Variants in STARD3 observed in about 807,000 individuals in gnomAD.
STARD3 encodes the protein stAR-related lipid transfer protein 3.
STARD3 carries 39 observed loss-of-function variants against 62.0 expected under a neutral mutation model. That is an observed-to-expected ratio of 0.63 (90% CI 0.49 to 0.82). The LOEUF (loss-of-function observed/expected upper bound fraction) is 0.82, where lower values mean the gene tolerates loss of function less well. STARD3 is among the 40% of genes least tolerant of loss of function. The pLI is 0.00. For synonymous variants in STARD3, 229 were observed against 242.4 expected (o/e 0.94, Z 0.51); for missense variants, 543 against 584.5 (o/e 0.93, Z 0.73).
At position 39,645,729 on chromosome 17, in the gene STARD3, C is replaced by T. The variant is rs554685330; in HGVS notation, c.-51-7752C>T. On this transcript the variant is annotated intron_variant, in intron 1 of 14. Transcript: ENST00000336308. ...TCAAGGGATCCTCCCACCTCAGCCTCCCAAAGGGCTGAGCCACTGCTCCTA... is the reference window on the plus strand; with the variant it reads ...TCAAGGGATCCTCCCACCTCAGCCTTCCAAAGGGCTGAGCCACTGCTCCTA... Among the ~76,000 whole-genome samples the T allele has an allele frequency of 8.3e-3, 1,269 of 152,006 alleles. 11 individuals carry two copies. The highest frequency in any genetic ancestry group is 0.012 in the Non-Finnish European group (838 of 67,992).
rs2057220681 is a variant in STARD3, at chr17:39,663,172, C to G, written c.*264C>G. Reference sequence around the variant, plus strand: ...CTGCCTCCTGGAGGACCAGATTGCTCTGCCCCACCTTGCCAGGGCAGGGTC... The same window carrying G: ...CTGCCTCCTGGAGGACCAGATTGCTGTGCCCCACCTTGCCAGGGCAGGGTC... On this transcript the variant is annotated 3_prime_UTR_variant, in exon 15 of 15. Coordinates refer to ENST00000336308, the MANE Select transcript of STARD3 (RefSeq NM_006804.4). 2.2e-6 allele frequency: 1 copy of G among 446,322 alleles called. No individual in the cohort carries two copies. Among genetic ancestry groups the G allele is most frequent in the Non-Finnish European group, 3.9e-6 (1 of 254,206 alleles). The allele number at this position is 446,322 out of a possible 1,614,324, so 27.6% of individuals were successfully genotyped here. A position where few individuals can be genotyped will look rare whatever the true frequency, so the allele number is the denominator to read the frequency against.
intron 6 of STARD3, 23 bp from the exon 7 acceptor site, chr17:39,658,699 C>T (rs373381137): frequency 1.1e-5 from 18 of 1,613,522 alleles, no homozygotes; most frequent in East Asian, 2.2e-5. Flanking sequence ...GTCCTCGGTC[C>T]GGGACCGAGT....
rs2057177770 is a variant in STARD3, at chr17:39,660,027, C to T, written c.796-184C>T. ...TTTTAACTCGACATCAAAAGCCTCT[C>T]TCCTGCCAGTGCCATAGGTTTGTTA... is the stretch of plus-strand genomic sequence containing the variant. On this transcript the variant is annotated intron_variant, in intron 9 of 14. Coordinates refer to ENST00000336308, the MANE Select transcript of STARD3 (RefSeq NM_006804.4). This position sits in a 1 kb window ranked among gnomAD's most constrained non-coding sequence, Gnocchi z 4.8. 1 of 614,940 alleles carries T rather than the reference C, an allele frequency of 1.6e-6. No individual in the cohort carries two copies. The highest frequency in any genetic ancestry group is 2.8e-5 in the East Asian group (1 of 36,302). 38.1% of individuals were successfully genotyped at this position (614,940 alleles called of 1,614,324 possible). A position where few individuals can be genotyped will look rare whatever the true frequency, so the allele number is the denominator to read the frequency against.
chr17:39,662,900 CG>C lies in STARD3; in HGVS notation c.1333del (p.Ala445ArgfsTer50). 6.2e-7 allele frequency: 1 copy of C among 1,611,152 alleles called. No individual in the cohort carries two copies. The highest frequency in any genetic ancestry group is 1.1e-5 in the South Asian group (1 of 90,742). The stretch of plus-strand genomic sequence containing the variant: ...ACAGCGCATCAGCGAGCTGGGGGCC[CG>C]GGCGTGACTGTGCCCCCTCCCACCC... ...LRQRISELGA[R>X]A On this transcript the variant is annotated frameshift_variant, in exon 15 of 15. Coordinates refer to ENST00000336308, the MANE Select transcript of STARD3 (RefSeq NM_006804.4). LOFTEE classifies it high-confidence loss of function.
intron 8 of STARD3, 24 bp downstream of exon 8, chr17:39,659,130 C>A: frequency 1.9e-6 from 3 of 1,614,060 alleles, no homozygotes; most frequent in Non-Finnish European, 2.5e-6. Context: ...TACCCCTAAC[C>A]CCTGCCCTTG....
intron 1 of STARD3, among the ~76,000 whole-genome samples, chr17:39,649,304 G>A (rs974179719): frequency 3.6e-4 from 55 of 152,200 alleles, no homozygotes; most frequent in African/African-American, 1.3e-3. Flanking sequence ...CTGTCTTGAA[G>A]ATGTATTTCC....
chr17:39,645,122 G>C (rs771603422), intron 1 of STARD3, among the ~76,000 whole-genome samples: 8 of 152,180 alleles, frequency 5.3e-5, no homozygotes, highest in Non-Finnish European at 1.0e-4. Context: ...AGCCGATGCT[G>C]TTCCCTGGGT....
chr17:39,662,173 G>A (rs1430619840), intron 13 of STARD3, 78 bp from the exon 14 acceptor site: 4 of 1,305,336 alleles, frequency 3.1e-6, no homozygotes, highest in Non-Finnish European at 4.3e-6. Flanking sequence ...AGAATGGAGT[G>A]TGAGTGGTAG....
Position 39,658,749 on chromosome 17 carries a change from C to T in STARD3, c.575C>T (p.Ala192Val). The change falls in exon 7 of 15, where the codon GCC (alanine) becomes GTC (valine). Residue 192 changes from alanine to valine, a missense_variant. By Grantham distance (64) the Ala-to-Val change is moderately conservative. Coordinates refer to ENST00000336308, the MANE Select transcript of STARD3 (RefSeq NM_006804.4). The part of the protein sequence containing the change: ...RWYLAAQVAV[A>V]RGPLLFSGAL... ...TATCTTGCCGCCCAGGTTGCTGTTG[C>T]CCGTGGACCCCTGCTGTTCTCCGGT... is the stretch of plus-strand genomic sequence containing the variant. 6.2e-7 allele frequency: 1 copy of T among 1,613,964 alleles called. No individual in the cohort carries two copies.
chr17:39,639,292 T>C (rs2056962627), intron 1 of STARD3, among the ~76,000 whole-genome samples: 1 of 152,086 alleles, frequency 6.6e-6, no homozygotes, highest in African/African-American at 2.4e-5. Flanking sequence ...GGGTCTGGAT[T>C]TATTGAGTGA....
chr17:39,658,681 G>A (rs375532242), intron 6 of STARD3, 41 bp from the exon 7 acceptor site: 2 of 1,612,158 alleles, frequency 1.2e-6, no homozygotes, highest in South Asian at 2.2e-5. Flanking sequence ...GGCTGCTAGG[G>A]TGTAACTGTC....
In STARD3 at chr17:39,662,521, C is replaced by G. The variant is rs908509307; in HGVS notation, c.1233+177C>G. The G allele has an allele frequency of 1.2e-4, 79 of 675,098 alleles. 4 individuals carry two copies. The highest frequency in any genetic ancestry group is 3.6e-4 in the South Asian group (19 of 52,988). The allele number at this position is 675,098 out of a possible 1,614,324, so 41.8% of individuals were successfully genotyped here. ...CAGATGGTCTCTTAGCCCTGGGTTG[C>G]TGTAGGGCATGTGCCCCCCCTTCTT... On this transcript the variant is annotated intron_variant, in intron 14 of 14. Coordinates refer to ENST00000336308, the MANE Select transcript of STARD3 (RefSeq NM_006804.4).
chr17:39,657,908 T>G (rs1448569582), intron 4 of STARD3, 56 bp downstream of exon 4: 9 of 1,613,194 alleles, frequency 5.6e-6, no homozygotes, highest in Non-Finnish European at 7.6e-6. Context: ...GTGGAAGGGA[T>G]GGGATGGAGG....
At chr17:39,659,321 G>A in intron 8 of STARD3, 140 bp from the exon 9 acceptor site, 1 of 1,006,348 alleles carries the variant, frequency 9.9e-7, no homozygotes, top group Non-Finnish European at 1.5e-6. Context: ...CAGGGCCCAG[G>A]GAGACCAGCC....
Position 39,662,286 on chromosome 17 carries a change from A to T in STARD3, c.1175A>T (p.Lys392Met). The change falls in exon 14 of 15, where the codon AAG becomes ATG. Residue 392 changes from lysine to methionine, a missense_variant. Coordinates refer to ENST00000336308, the MANE Select transcript of STARD3 (RefSeq NM_006804.4). ...ENGPGGFIVL[K>M]SASNPRVCTF... ...GGCCCTGGGGGCTTCATCGTGCTCAAGTCGGCCAGTAACCCCCGTGTTTGC... is the reference window on the plus strand; with the variant it reads ...GGCCCTGGGGGCTTCATCGTGCTCATGTCGGCCAGTAACCCCCGTGTTTGC... 2 of 1,614,022 alleles carry T rather than the reference A, an allele frequency of 1.2e-6. No individual in the cohort carries two copies. Among genetic ancestry groups the T allele is most frequent in the African/African-American group, 2.7e-5 (2 of 74,992 alleles).
intron 9 of STARD3, 107 bp downstream of exon 9, chr17:39,659,660 T>A (rs1202461738): frequency 2.0e-5 from 24 of 1,207,878 alleles, no homozygotes; most frequent in Non-Finnish European, 2.7e-5. Context: ...TGGAGCCATA[T>A]TCCTGCCCCA....
At chr17:39,654,103 C>T (rs1053036099) in intron 2 of STARD3, among the ~76,000 whole-genome samples, 1 of 151,020 alleles carries the variant, frequency 6.6e-6, no homozygotes, top group Non-Finnish European at 1.5e-5. Flanking sequence ...CTGTTGAAAC[C>T]TTTGTCTTCT....
At chr17:39,643,171 G>A (rs1016072224) in intron 1 of STARD3, among the ~76,000 whole-genome samples, 1 of 152,148 alleles carries the variant, frequency 6.6e-6, no homozygotes, top group African/African-American at 2.4e-5. Context: ...GCAGATACTG[G>A]CCAGATTTTG....
intron 1 of STARD3, among the ~76,000 whole-genome samples, chr17:39,648,027 T>G (rs531488328): frequency 6.6e-6 from 1 of 152,198 alleles, no homozygotes; most frequent in African/African-American, 2.4e-5. Flanking sequence ...GGCTCACACC[T>G]GTAATCCCAG....
Sources: gnomAD v4.1 joint callset for allele counts (sites outside exome capture counted in the v4.1 genomes callset) on GRCh38, gnomAD v4.1.1 for gene constraint, Gnocchi (gnomAD v3.1) non-coding constraint, MANE v1.5 for transcripts, NCBI Gene and HGNC (gene_info 2026-07-23, HGNC 2026-07-21) for gene names.